The following ALK variants were observed in gnomAD, a reference collection of about 807,000 sequenced individuals.
ALK encodes ALK tyrosine kinase receptor.
ALK carries 74 observed loss-of-function variants against 163.1 expected under a neutral mutation model. The observed-to-expected ratio is 0.45, with a 90% CI of 0.38 to 0.55. The LOEUF is 0.55. Ranked by LOEUF, ALK falls within the 20% of genes least tolerant of loss-of-function variation. The pLI is 0.00. For synonymous variants in ALK, 960 were observed against 843.2 expected (o/e 1.14, Z -2.40); for missense variants, 2,063 against 2,105.3 (o/e 0.98, Z 0.39).
At chr2:29,758,915 G>C (rs1680617766) in intron 1 of ALK, among the ~76,000 whole-genome samples, 1 of 152,050 alleles carries the variant, frequency 6.6e-6, no homozygotes, top group Admixed American at 6.6e-5. Context: ...CCTCTTTATA[G>C]GGTCGGTGTT....
intron 1 of ALK, among the ~76,000 whole-genome samples, chr2:29,892,776 C>T (rs1558536681): frequency 6.6e-6 from 1 of 152,194 alleles, no homozygotes; most frequent in Non-Finnish European, 1.5e-5. Context: ...ATCTTCTTCC[C>T]TGCTCCCACA....
intron 3 of ALK, among the ~76,000 whole-genome samples, chr2:29,584,084 G>C (rs777953951): frequency 6.6e-6 from 1 of 152,060 alleles, no homozygotes; most frequent in Non-Finnish European, 1.5e-5. Flanking sequence ...TAAGTCAGGG[G>C]GTGTTCAAGA....
chr2:29,857,485 C>G (rs79881175), intron 1 of ALK, among the ~76,000 whole-genome samples: 1 of 152,194 alleles, frequency 6.6e-6, no homozygotes, highest in Non-Finnish European at 1.5e-5. Context: ...TTGGCTAAGG[C>G]TGAATGTGGC....
chr2:29,489,213 G>A (rs1382903359), intron 4 of ALK, among the ~76,000 whole-genome samples: 1 of 152,160 alleles, frequency 6.6e-6, no homozygotes, highest in Non-Finnish European at 1.5e-5. Flanking sequence ...CTAAGGCTTG[G>A]CATGATGTCT....
At chr2:29,203,164 T>C (rs1669224307) in intron 26 of ALK, among the ~76,000 whole-genome samples, 1 of 152,110 alleles carries the variant, frequency 6.6e-6, no homozygotes, top group African/African-American at 2.4e-5. Context: ...CACTTAGAGA[T>C]CCACTGGGTT....
intron 3 of ALK, among the ~76,000 whole-genome samples, chr2:29,562,002 T>G (rs1674037121): frequency 2.0e-5 from 3 of 152,126 alleles, no homozygotes; most frequent in African/African-American, 7.2e-5. Context: ...CTAGTGAACT[T>G]TGGATTAATA....
chr2:29,678,659 C>A (rs1677966504), intron 3 of ALK, among the ~76,000 whole-genome samples: 1 of 151,082 alleles, frequency 6.6e-6, no homozygotes, highest in South Asian at 2.1e-4. Context: ...GAAGGATATA[C>A]TTTTTAAATT....
intron 1 of ALK, among the ~76,000 whole-genome samples, chr2:29,788,234 C>T (rs1192435881): frequency 2.6e-5 from 4 of 152,214 alleles, no homozygotes; most frequent in Admixed American, 6.5e-5. Flanking sequence ...TGAGGTGGGT[C>T]GAGGCCTGGC....
At chr2:29,261,260 A>T (rs1453786219) in intron 11 of ALK, among the ~76,000 whole-genome samples, 8 of 152,112 alleles carry the variant, frequency 5.3e-5, no homozygotes, top group Non-Finnish European at 1.2e-4. Flanking sequence ...TGGTGCTTTG[A>T]CCTATCTCAC....
intron 1 of ALK, among the ~76,000 whole-genome samples, chr2:29,741,605 G>A (rs914479760): frequency 6.6e-6 from 1 of 152,228 alleles, no homozygotes; most frequent in African/African-American, 2.4e-5. Flanking sequence ...TGAGCTGCTT[G>A]GTTATTGAAG....
rs528909328 is a variant in ALK at position 29,919,565 on chromosome 2, T to C, written c.667+428A>G. On this transcript the variant is annotated intron_variant, in intron 1 of 28. Coordinates refer to ENST00000389048, the MANE Select transcript of ALK (RefSeq NM_004304.5). Reference sequence around the variant, plus strand: ...AGAAATTCTATATTCCCTGAGAAGGTACCATATTTCCCAAATCTGTGCTGG... The same window carrying C: ...AGAAATTCTATATTCCCTGAGAAGGCACCATATTTCCCAAATCTGTGCTGG... Among the ~76,000 whole-genome samples the C allele has an allele frequency of 2.0e-5, 3 of 152,254 alleles. No homozygotes were observed. In the South Asian group the frequency reaches 6.2e-4, roughly 32 times the overall value.
At chr2:29,832,649 C>T (rs1364502930) in intron 1 of ALK, among the ~76,000 whole-genome samples, 1 of 152,220 alleles carries the variant, frequency 6.6e-6, no homozygotes, top group Non-Finnish European at 1.5e-5. Flanking sequence ...GCTTCTTCAG[C>T]ACATTGGGCA....
chr2:29,204,949 GTC>G (rs1407889432), intron 26 of ALK, among the ~76,000 whole-genome samples: 1 of 151,882 alleles, frequency 6.6e-6, no homozygotes, highest in Admixed American at 6.6e-5. Context: ...TATTTGTCAG[GTC>G]TCTCCACTGT....
intron 1 of ALK, among the ~76,000 whole-genome samples, chr2:29,868,368 CA>C (rs1439874985): frequency 6.6e-6 from 1 of 152,096 alleles, no homozygotes; most frequent in African/African-American, 2.4e-5. Context: ...AAAGATTCTG[CA>C]CTTGTGAAGA....
chr2:29,225,648 A>C lies in ALK; in HGVS notation c.3068-83T>G, dbSNP rs543499743. The C allele has an allele frequency of 2.8e-5, 33 of 1,167,342 alleles. No homozygotes were observed. In the African/African-American group the frequency reaches 4.8e-4, roughly 17 times the overall value. The allele number at this position is 1,167,342 out of a possible 1,614,324, so 72.3% of individuals were successfully genotyped here. On this transcript the variant is annotated intron_variant, in intron 18 of 28. Transcript: ENST00000389048. ...TCCCAAGTCAGAAATAACCTCCCCC[A>C]CTGAGACAAAAACTACTTGCTCCTT... is the stretch of plus-strand genomic sequence containing the variant.
rs750743618 is a variant in ALK at position 29,275,154 on chromosome 2, C to T, written c.1986G>A (p.Lys662=). 6.8e-6 allele frequency: 11 copies of T among 1,614,188 alleles called. No homozygotes were observed. The South Asian group carries it at 1.1e-4, about 16-fold the overall frequency. ...SRNLFERNPN[K]ELKPGENSPR... is the part of the protein sequence containing the mutation. ...GTGAATTTTCCCCGGGTTTCAGCTC[C>T]TTGTTTGGGTTTCTCTCAAACAGGT... Residue 662 remains lysine (K), a synonymous_variant, in exon 11 of 29, where the codon AAG becomes AAA. Transcript: ENST00000389048.
intron 3 of ALK, among the ~76,000 whole-genome samples, chr2:29,620,890 T>C (rs1314756990): frequency 6.6e-6 from 1 of 152,180 alleles, no homozygotes; most frequent in East Asian, 1.9e-4. Context: ...AGTAGTATTA[T>C]TAAAGAGCAA....
chr2:29,659,401 G>A (rs1677280869), intron 3 of ALK, among the ~76,000 whole-genome samples: 2 of 152,140 alleles, frequency 1.3e-5, no homozygotes, highest in Admixed American at 1.3e-4. Flanking sequence ...CCTGGGGAAG[G>A]TGGGCTGGGG....
intron 1 of ALK, among the ~76,000 whole-genome samples, chr2:29,728,627 G>A (rs1679642423): frequency 6.6e-6 from 1 of 152,228 alleles, no homozygotes; most frequent in Non-Finnish European, 1.5e-5. Flanking sequence ...CTGAGAAGCT[G>A]ATGCTTGCAC....
Sources: allele counts gnomAD v4.1 joint callset (sites outside exome capture counted in the v4.1 genomes callset), GRCh38; gene constraint gnomAD v4.1.1; transcripts MANE v1.5; gene names NCBI Gene and HGNC (gene_info 2026-07-23, HGNC 2026-07-21).